Variants in TMEM108 observed in about 807,000 individuals in gnomAD.
TMEM108 encodes the protein transmembrane protein 108, also known as cancer/testis antigen 124.
A neutral mutation model predicts 35.1 loss-of-function variants in TMEM108; 12 were observed. That is an observed-to-expected ratio of 0.34 (90% CI 0.22 to 0.55). The LOEUF is 0.55. Ranked by LOEUF, TMEM108 falls within the 20% of genes least tolerant of loss-of-function variation. The pLI is 0.89. For synonymous variants in TMEM108, 287 were observed against 308.6 expected, an observed-to-expected ratio of 0.93 and a Z score of 0.73; for missense variants, 680 against 753.3, an observed-to-expected ratio of 0.90 and a Z score of 1.14.
intron 3 of TMEM108, among the ~76,000 whole-genome samples, chr3:133,239,921 A>T (rs1328207752): frequency 6.6e-6 from 1 of 152,152 alleles, no homozygotes; most frequent in Non-Finnish European, 1.5e-5. Context: ...AACTGTTAGA[A>T]CTTGAAGTTT....
At chr3:133,154,841 C>T (rs914441405) in intron 2 of TMEM108, among the ~76,000 whole-genome samples, 3 of 152,068 alleles carry the variant, frequency 2.0e-5, no homozygotes, top group South Asian at 2.1e-4. Flanking sequence ...TGTACATGTA[C>T]TGTAAAACTT....
intron 2 of TMEM108, among the ~76,000 whole-genome samples, chr3:133,222,143 G>T (rs963190310): frequency 1.3e-5 from 2 of 152,104 alleles, no homozygotes; most frequent in African/African-American, 2.4e-5. Context: ...GCCTGGAAAA[G>T]TCTTTATCTC....
intron 3 of TMEM108, among the ~76,000 whole-genome samples, chr3:133,312,218 A>G (rs76511133): frequency 1.3e-5 from 2 of 152,190 alleles, no homozygotes; most frequent in Non-Finnish European, 2.9e-5. Context: ...CGGTCTGTCC[A>G]TTCTCAGTGC....
intron 2 of TMEM108, among the ~76,000 whole-genome samples, chr3:133,197,404 A>C (rs558129232): frequency 6.6e-6 from 1 of 152,220 alleles, no homozygotes; most frequent in Admixed American, 6.5e-5. Flanking sequence ...GGAATGGCCA[A>C]CATAGGGGTG....
chr3:133,117,464 T>A (rs999811687), intron 2 of TMEM108, among the ~76,000 whole-genome samples: 2 of 152,228 alleles, frequency 1.3e-5, no homozygotes, highest in African/African-American at 4.8e-5. Context: ...AGGCTTCTTA[T>A]AAAAGCCAAC....
chr3:133,355,178 TACA>T (rs1001018919), intron 3 of TMEM108, among the ~76,000 whole-genome samples: 104 of 152,352 alleles, frequency 6.8e-4, no homozygotes, highest in African/African-American at 2.4e-3. Flanking sequence ...AGAAAAATGA[TACA>T]ACATGCTGCT....
At chr3:133,377,998 C>T (rs987376585) in intron 3 of TMEM108, among the ~76,000 whole-genome samples, 1 of 152,274 alleles carries the variant, frequency 6.6e-6, no homozygotes, top group Non-Finnish European at 1.5e-5. Context: ...AACCATACCC[C>T]CCCCGACCAA....
intron 2 of TMEM108, among the ~76,000 whole-genome samples, chr3:133,126,472 C>G (rs926961783): frequency 2.0e-5 from 3 of 150,270 alleles, no homozygotes; most frequent in Admixed American, 2.0e-4. Flanking sequence ...GTCCCCGCCC[C>G]CCCCAGAAAA....
intron 3 of TMEM108, among the ~76,000 whole-genome samples, chr3:133,238,332 A>G (rs763923979): frequency 6.6e-6 from 1 of 152,208 alleles, no homozygotes; most frequent in Non-Finnish European, 1.5e-5. Flanking sequence ...AATGGGAGTC[A>G]TACATGTTTG....
chr3:133,055,451 G>T (rs1379875037), intron 2 of TMEM108, among the ~76,000 whole-genome samples: 1 of 152,224 alleles, frequency 6.6e-6, no homozygotes, highest in Non-Finnish European at 1.5e-5. Context: ...GAGAGATTCT[G>T]AAAGATGGCC....
intron 3 of TMEM108, among the ~76,000 whole-genome samples, chr3:133,291,666 T>TTTA (rs111792839): frequency 5.3e-5 from 8 of 152,040 alleles, no homozygotes; most frequent in East Asian, 1.9e-4. Flanking sequence ...AGGTGGAATT[T>TTTA]TTATTATTAT....
At chr3:133,063,161 G>A (rs1164730774) in intron 2 of TMEM108, among the ~76,000 whole-genome samples, 1 of 152,138 alleles carries the variant, frequency 6.6e-6, no homozygotes, top group Non-Finnish European at 1.5e-5. Flanking sequence ...AAGAAGTGGT[G>A]TGTGACCTTG....
chr3:133,206,011 T>C (rs969083033), intron 2 of TMEM108, among the ~76,000 whole-genome samples: 43 of 152,254 alleles, frequency 2.8e-4, no homozygotes, highest in East Asian at 1.9e-4. Context: ...CATTCTTTTT[T>C]CTTTAATCTT....
intron 3 of TMEM108, among the ~76,000 whole-genome samples, chr3:133,282,352 C>T (rs998457679): frequency 6.6e-6 from 1 of 152,164 alleles, no homozygotes; most frequent in Non-Finnish European, 1.5e-5. Flanking sequence ...ACAAGGCTCT[C>T]CTTCCCAGGT....
chr3:133,114,348 T>A (rs761869911), intron 2 of TMEM108, among the ~76,000 whole-genome samples: 2 of 152,182 alleles, frequency 1.3e-5, no homozygotes, highest in Non-Finnish European at 2.9e-5. Context: ...GAGGAGAGTA[T>A]ATTTTATCCC....
intron 2 of TMEM108, among the ~76,000 whole-genome samples, chr3:133,119,983 G>T (rs1442997766): frequency 1.3e-5 from 2 of 152,272 alleles, no homozygotes; most frequent in South Asian, 2.1e-4. Context: ...ACTTAGAGAA[G>T]ACCTGCCTGT....
At chr3:133,059,714 C>T (rs1007215948) in intron 2 of TMEM108, among the ~76,000 whole-genome samples, 1 of 152,148 alleles carries the variant, frequency 6.6e-6, no homozygotes, top group Admixed American at 6.5e-5. Flanking sequence ...TCAGATTATT[C>T]TCTCTGTTAC....
intron 2 of TMEM108, chr3:133,192,919 T>C (rs1945521481): frequency 6.6e-6 from 1 of 151,926 alleles, no homozygotes; most frequent in Non-Finnish European, 1.5e-5. Flanking sequence ...TGTGTGTGTG[T>C]GTGTGCGCGT....
chr3:133,200,656 C>T (rs1044298869), intron 2 of TMEM108, among the ~76,000 whole-genome samples: 1 of 152,176 alleles, frequency 6.6e-6, no homozygotes, highest in Non-Finnish European at 1.5e-5. Flanking sequence ...CCAATCTGCT[C>T]TTATATCAAT....
Sources: allele counts gnomAD v4.1 joint callset (sites outside exome capture counted in the v4.1 genomes callset), GRCh38; gene constraint gnomAD v4.1.1; transcripts MANE v1.5; gene names NCBI Gene and HGNC (gene_info 2026-07-23, HGNC 2026-07-21).